The following YTHDF2 variants were observed in gnomAD, a reference collection of about 807,000 sequenced individuals.
The protein encoded by YTHDF2 is YTH N6-methyladenosine RNA binding protein F2.
YTHDF2 carries 2 observed loss-of-function variants against 50.4 expected under a neutral mutation model. The ratio of observed to expected loss-of-function variants is 0.04; its 90% CI spans 0.02 to 0.12. YTHDF2 has a LOEUF of 0.12. Ranked by LOEUF, YTHDF2 falls within the 10% of genes least tolerant of loss-of-function variation. YTHDF2 has a pLI of 1.00. For missense variants in YTHDF2, 483 were observed against 722.6 expected, an observed-to-expected ratio of 0.67 and a Z score of 3.80; for synonymous variants, 217 against 255.6, an observed-to-expected ratio of 0.85 and a Z score of 1.44.
intron 2 of YTHDF2, 74 bp from the exon 3 acceptor site, chr1:28,738,185 T>A (rs2087723816): frequency 8.3e-7 from 1 of 1,211,774 alleles, no homozygotes; most frequent in African/African-American, 1.5e-5. Context: ...TTTTCTCTGG[T>A]TAGCATATAT....
At chr1:28,737,337 G>A in intron 1 of YTHDF2, 190 bp downstream of exon 1, 1 of 753,550 alleles carries the variant, frequency 1.3e-6, no homozygotes, top group Non-Finnish European at 2.0e-6. Flanking sequence ...TTCTCCTCGG[G>A]CCTCGGAGCC....
At chr1:28,753,831 C>A (rs111746770) in intron 4 of YTHDF2, among the ~76,000 whole-genome samples, 3 of 151,584 alleles carry the variant, frequency 2.0e-5, no homozygotes, top group Admixed American at 6.6e-5. Flanking sequence ...CTCAGCCTCC[C>A]GAGTAGCTGG....
At chr1:28,761,478 T>C (rs1458772852) in intron 4 of YTHDF2, among the ~76,000 whole-genome samples, 2 of 152,178 alleles carry the variant, frequency 1.3e-5, no homozygotes, top group African/African-American at 4.8e-5. Flanking sequence ...GGCCCATGCC[T>C]GTAATCCCAG....
At chr1:28,744,995 A>G (rs2087837341) in intron 4 of YTHDF2, among the ~76,000 whole-genome samples, 1 of 152,282 alleles carries the variant, frequency 6.6e-6, no homozygotes, top group South Asian at 2.1e-4. Flanking sequence ...AAGTAGGTGA[A>G]AAGTTTATGA....
chr1:28,743,759 G>A lies in YTHDF2; in HGVS notation c.1489G>A (p.Val497Ile), dbSNP rs755344516. 5 of 1,613,252 alleles carry A rather than the reference G, an allele frequency of 3.1e-6. No individual in the cohort carries two copies. The Admixed American group carries it at 5.0e-5, about 16-fold the overall frequency. The change falls in exon 4 of 5, where the codon GTC becomes ATC. Residue 497 changes from valine to isoleucine, a missense_variant. Physicochemically the swap from Val to Ile is conservative, Grantham distance 29 (BLOSUM62 3). This residue lies in a region of YTHDF2 where 59 missense variants were observed against 168.9 expected (regional missense o/e 0.35). Coordinates refer to ENST00000373812, the MANE Select transcript of YTHDF2 (RefSeq NM_016258.3). The surrounding 1 kb of genome is among the most constrained non-coding windows in gnomAD (Gnocchi z 6.9). ...GGACAAATGGAAGGGTCGTTTTGATGTCAGGTGGATTTTTGTGAAGGACGT... is the reference window on the plus strand; with the variant it reads ...GGACAAATGGAAGGGTCGTTTTGATATCAGGTGGATTTTTGTGAAGGACGT... The part of the protein sequence containing the change: ...SQDKWKGRFD[V>I]RWIFVKDVPN...
intron 4 of YTHDF2, among the ~76,000 whole-genome samples, chr1:28,748,265 C>T (rs758609262): frequency 1.3e-5 from 2 of 152,154 alleles, no homozygotes; most frequent in Non-Finnish European, 2.9e-5. Context: ...CTTTACATAA[C>T]TGATTGTAAA....
chr1:28,741,885 G>T (rs768626852), intron 3 of YTHDF2, among the ~76,000 whole-genome samples: 16 of 152,176 alleles, frequency 1.1e-4, no homozygotes, highest in Non-Finnish European at 1.9e-4. Flanking sequence ...TTTGTGAAAT[G>T]CTAAGTTTTC....
At chr1:28,760,739 C>T (rs1312817562) in intron 4 of YTHDF2, among the ~76,000 whole-genome samples, 1 of 152,070 alleles carries the variant, frequency 6.6e-6, no homozygotes, top group Non-Finnish European at 1.5e-5. Context: ...TGCCACTACA[C>T]CCAGCTGATT....
intron 1 of YTHDF2, 152 bp from the exon 2 acceptor site, chr1:28,737,506 C>T (rs1017500356): frequency 7.5e-6 from 8 of 1,071,956 alleles, no homozygotes; most frequent in Non-Finnish European, 1.1e-5. Flanking sequence ...TCCCCCGCCT[C>T]CCATTTTCAG....
At position 28,742,794 on chromosome 1, in the gene YTHDF2, C is replaced by T. The variant is rs767140624; in HGVS notation, c.524C>T (p.Thr175Ile). 1 of 1,614,130 alleles carries T rather than the reference C, an allele frequency of 6.2e-7. No homozygotes were observed. Among genetic ancestry groups the T allele is most frequent in the Admixed American group, 1.7e-5 (1 of 60,016 alleles). ...IDGQSAFANE[T>I]LNKAPGMNTI... ...GGACAGTCAGCTTTTGCCAATGAGACCCTCAATAAGGCTCCTGGCATGAAT... is the reference window on the plus strand; with the variant it reads ...GGACAGTCAGCTTTTGCCAATGAGATCCTCAATAAGGCTCCTGGCATGAAT... Residue 175 changes from threonine to isoleucine, a missense_variant, in exon 4 of 5, where the codon ACC (threonine) becomes ATC (isoleucine). By Grantham distance (89) the Thr-to-Ile change is moderately conservative. Around this residue, in one of 4 missense-constraint regions of YTHDF2, gnomAD observed 385 missense variants for 475.8 expected, o/e 0.81. Transcript: ENST00000373812.
chr1:28,738,189 C>A lies in YTHDF2; in HGVS notation c.53-70C>A, dbSNP rs935214041. ...ACTAGTAAGGTTTTTCTCTGGTTAG[C>A]ATATATGAACTAATTTGAAAGGAAG... On this transcript the variant is annotated intron_variant, in intron 2 of 4. Transcript: ENST00000373812. The A allele has an allele frequency of 4.8e-5, 60 of 1,247,252 alleles. 1 individual carries two copies. In the South Asian group the frequency reaches 7.3e-4, roughly 15 times the overall value. 77.3% of individuals were successfully genotyped at this position (1,247,252 alleles called of 1,614,324 possible).
chr1:28,737,276 C>G, intron 1 of YTHDF2, 129 bp downstream of exon 1: 1 of 1,260,588 alleles, frequency 7.9e-7, no homozygotes, highest in Non-Finnish European at 1.1e-6. Flanking sequence ...AGGTTTCGGG[C>G]CTCTCAGGCC....
chr1:28,741,242 C>T (rs945940461), intron 3 of YTHDF2, among the ~76,000 whole-genome samples: 1 of 152,070 alleles, frequency 6.6e-6, no homozygotes, highest in Non-Finnish European at 1.5e-5. Context: ...AAGTGATTTG[C>T]CCGCCTCAGC....
At chr1:28,768,284 A>G (rs2088251115) in intron 4 of YTHDF2, among the ~76,000 whole-genome samples, 1 of 152,228 alleles carries the variant, frequency 6.6e-6, no homozygotes, top group Non-Finnish European at 1.5e-5. Flanking sequence ...TGAAAGACTC[A>G]TAAACAGTGA....
rs1038921996 is a variant in YTHDF2, at chr1:28,737,651, C to G, written c.28-7C>G. ...TTGCTGCTCGGCGACGTTTCCTTCCCCTGCAGAGACCAAAAGGTCAAGGAA... is the reference window on the plus strand; with the variant it reads ...TTGCTGCTCGGCGACGTTTCCTTCCGCTGCAGAGACCAAAAGGTCAAGGAA... On this transcript the variant is annotated splice_polypyrimidine_tract_variant and splice_region_variant and intron_variant, in intron 1 of 4. Transcript: ENST00000373812. 9 of 1,613,890 alleles carry G rather than the reference C, an allele frequency of 5.6e-6. No individual in the cohort carries two copies. In the Admixed American group the frequency reaches 1.2e-4, roughly 21 times the overall value.
At chr1:28,746,957 C>T (rs889174177) in intron 4 of YTHDF2, among the ~76,000 whole-genome samples, 14 of 152,018 alleles carry the variant, frequency 9.2e-5, no homozygotes, top group Non-Finnish European at 1.9e-4. Context: ...TGGTGCATGC[C>T]TGTAATCCCA....
chr1:28,744,053 T>G, intron 4 of YTHDF2, 67 bp downstream of exon 4: 2 of 1,443,248 alleles, frequency 1.4e-6, no homozygotes, highest in Non-Finnish European at 1.8e-6. Context: ...AGAGGTATTA[T>G]ATAGTGAACC....
rs755599947 is a variant in YTHDF2, at chr1:28,768,919, AC to A, written c.1717-8del. ...TTTTAACCATTTCAATTTTTTTCTT[AC>A]CTCTGTAGGAACGTCAAGGTCGTGG... On this transcript the variant is annotated splice_polypyrimidine_tract_variant and intron_variant, in intron 4 of 4. Coordinates refer to ENST00000373812, the MANE Select transcript of YTHDF2 (RefSeq NM_016258.3). 58 of 1,581,128 alleles carry A rather than the reference AC, an allele frequency of 3.7e-5. No individual in the cohort carries two copies. The East Asian group carries it at 1.2e-3, about 31-fold the overall frequency.
intron 4 of YTHDF2, among the ~76,000 whole-genome samples, chr1:28,762,461 G>C (rs1182412747): frequency 1.3e-5 from 2 of 152,182 alleles, no homozygotes; most frequent in African/African-American, 4.8e-5. Flanking sequence ...TGTCAGCTGG[G>C]GTGCTGAACT....
Sources: gnomAD v4.1 joint callset for allele counts (sites outside exome capture counted in the v4.1 genomes callset) on GRCh38, gnomAD v4.1.1 for gene constraint, gnomAD v4.1.1 regional missense constraint, Gnocchi (gnomAD v3.1) non-coding constraint, MANE v1.5 for transcripts, NCBI Gene and HGNC (gene_info 2026-07-23, HGNC 2026-07-21) for gene names.